CAMK4: variants seen among roughly 807,000 people sequenced by gnomAD.
CAMK4 encodes the protein calcium/calmodulin-dependent protein kinase type IV.
In CAMK4, 22 loss-of-function variants were observed where a neutral mutation model predicts 44.9. The ratio of observed to expected loss-of-function variants is 0.49; its 90% CI spans 0.35 to 0.70. The LOEUF is 0.70. CAMK4 is among the 30% of genes least tolerant of loss of function. The pLI is 0.01. For missense variants in CAMK4, 498 were observed against 586.8 expected (o/e 0.85, Z 1.56); for synonymous variants, 218 against 215.4 (o/e 1.01, Z -0.11).
Position 111,432,662 on chromosome 5 carries a change from G to GTA in CAMK4, c.460-14005_460-14004dup, listed in dbSNP as rs58147378. Reference sequence around the variant, plus strand: ...CATATATATATGTATATATGTGTGTGTATATATATATATATATATACATTT... The same window carrying GTA: ...CATATATATATGTATATATGTGTGTGTATATATATATATATATATATACATTT... On this transcript the variant is annotated intron_variant, in intron 5 of 10. Transcript: ENST00000282356. Among the ~76,000 whole-genome samples the GTA allele has an allele frequency of 5.8e-3, 831 of 142,934 alleles. 7 individuals are homozygous for GTA. The highest frequency in any genetic ancestry group is 0.015 in the African/African-American group (577 of 38,856). 93.8% of individuals were successfully genotyped at this position (142,934 alleles called of 152,430 possible). A position where few individuals can be genotyped will look rare whatever the true frequency, so the allele number is the denominator to read the frequency against.
chr5:111,492,614 T>C lies in CAMK4; in HGVS notation c.*8148T>C, dbSNP rs1424382370. The C allele has an allele frequency of 6.6e-6, 1 of 152,184 alleles. No individual in the cohort carries two copies. The highest frequency in any genetic ancestry group is 6.6e-5 in the Admixed American group (1 of 15,266). The allele number at this position is 152,184 out of a possible 1,614,324, so 9.4% of individuals were successfully genotyped here. A position where few individuals can be genotyped will look rare whatever the true frequency, so the allele number is the denominator to read the frequency against. On this transcript the variant is annotated 3_prime_UTR_variant, in exon 11 of 11. Coordinates refer to ENST00000282356, the MANE Select transcript of CAMK4 (RefSeq NM_001744.6). ...AAACTAAACAACATAGTTTAGGGGA[T>C]ATTAGGCCTACATTCTAATCACATT... is the stretch of plus-strand genomic sequence containing the variant.
chr5:111,329,315 C>G (rs185368517), intron 1 of CAMK4, among the ~76,000 whole-genome samples: 5 of 151,812 alleles, frequency 3.3e-5, no homozygotes. Context: ...TAAAAATGGG[C>G]ACAAGACAGG....
intron 2 of CAMK4, among the ~76,000 whole-genome samples, chr5:111,361,799 C>A (rs1365607643): frequency 2.0e-5 from 3 of 151,930 alleles, no homozygotes; most frequent in African/African-American, 7.2e-5. Context: ...TTTTGATTAA[C>A]CTCAGGCAGG....
intron 5 of CAMK4, among the ~76,000 whole-genome samples, chr5:111,445,891 C>T (rs1754009132): frequency 6.6e-6 from 1 of 152,058 alleles, no homozygotes; most frequent in African/African-American, 2.4e-5. Flanking sequence ...TTCAAACAAA[C>T]TTTTTGGGAA....
At position 111,236,041 on chromosome 5, in the gene CAMK4, C is replaced by T. The variant is rs538169652; in HGVS notation, c.161+11397C>T. Among the ~76,000 whole-genome samples, 15 of 152,340 alleles carry T rather than the reference C, an allele frequency of 9.8e-5. No individual in the cohort carries two copies. The South Asian group carries it at 3.1e-3, about 32-fold the overall frequency. The stretch of plus-strand genomic sequence containing the variant: ...GCCTCTTTGGGCATAAAGCCCCGCA[C>T]CTCACTCAGCTTCATTTGTAAAGTG... On this transcript the variant is annotated intron_variant, in intron 1 of 10. Transcript: ENST00000282356.
At chr5:111,276,840 T>TA (rs1225706261) in intron 1 of CAMK4, among the ~76,000 whole-genome samples, 2 of 152,120 alleles carry the variant, frequency 1.3e-5, no homozygotes, top group African/African-American at 2.4e-5. Flanking sequence ...GAAGAATCCT[T>TA]ACCAAAAATT....
chr5:111,224,504 C>T lies in CAMK4; in HGVS notation c.21C>T (p.Pro7=), dbSNP rs773893938. Residue 7 remains proline (P), a synonymous_variant, in exon 1 of 11, where the codon CCC becomes CCT. Coordinates refer to ENST00000282356, the MANE Select transcript of CAMK4 (RefSeq NM_001744.6). This position sits in a 1 kb window ranked among gnomAD's most constrained non-coding sequence, Gnocchi z 5.7. ...CGAAGATGCTCAAAGTCACGGTGCC[C>T]TCCTGCTCCGCCTCGTCCTGCTCTT... MLKVTV[P]SCSASSCSSV... 4.3e-6 allele frequency: 7 copies of T among 1,609,670 alleles called. No homozygotes were observed. In the African/African-American group the frequency reaches 6.7e-5, roughly 15 times the overall value.
Position 111,486,304 on chromosome 5 carries a change from T to G in CAMK4, c.*1838T>G, listed in dbSNP as rs1428485141. 6.6e-6 allele frequency: 1 copy of G among 152,088 alleles called. No individual in the cohort carries two copies. The highest frequency in any genetic ancestry group is 1.9e-4 in the East Asian group (1 of 5,200). 9.4% of individuals were successfully genotyped at this position (152,088 alleles called of 1,614,324 possible). A position where few individuals can be genotyped will look rare whatever the true frequency, so the allele number is the denominator to read the frequency against. On this transcript the variant is annotated 3_prime_UTR_variant, in exon 11 of 11. Transcript: ENST00000282356. ...ATTATTTTTTGTTTTGTTTTATTTG[T>G]ACTATCTAGTAGAGAGCACTTTTCT...
intron 1 of CAMK4, among the ~76,000 whole-genome samples, chr5:111,313,279 G>A (rs910028035): frequency 6.6e-6 from 1 of 152,144 alleles, no homozygotes; most frequent in Non-Finnish European, 1.5e-5. Context: ...ACCCCATGGA[G>A]CAGCTAAGCT....
At chr5:111,434,215 T>A (rs969769954) in intron 5 of CAMK4, among the ~76,000 whole-genome samples, 1 of 150,132 alleles carries the variant, frequency 6.7e-6, no homozygotes, top group Admixed American at 6.7e-5. Context: ...ATCGCTTGAA[T>A]CTGGGAGGCG....
intron 5 of CAMK4, among the ~76,000 whole-genome samples, chr5:111,395,412 A>G (rs969676293): frequency 6.7e-6 from 1 of 149,088 alleles, no homozygotes; most frequent in Non-Finnish European, 1.5e-5. Flanking sequence ...TTGTTCTTTA[A>G]CTCTTTCTTT....
At chr5:111,362,225 A>G (rs1750620585) in intron 2 of CAMK4, among the ~76,000 whole-genome samples, 1 of 152,058 alleles carries the variant, frequency 6.6e-6, no homozygotes, top group African/African-American at 2.4e-5. Context: ...GGACTTGATT[A>G]AAGACTCTAA....
At chr5:111,312,650 C>T (rs1481525838) in intron 1 of CAMK4, among the ~76,000 whole-genome samples, 1 of 152,084 alleles carries the variant, frequency 6.6e-6, no homozygotes, top group African/African-American at 2.4e-5. Context: ...ATGAATGATA[C>T]TTCAACCACA....
intron 2 of CAMK4, among the ~76,000 whole-genome samples, chr5:111,349,842 A>G (rs938464697): frequency 2.0e-5 from 3 of 151,980 alleles, no homozygotes; most frequent in Non-Finnish European, 4.4e-5. Flanking sequence ...TTGGAAACAG[A>G]TATTTGAACT....
At chr5:111,317,253 C>T (rs1748464660) in intron 1 of CAMK4, among the ~76,000 whole-genome samples, 2 of 152,088 alleles carry the variant, frequency 1.3e-5, no homozygotes, top group Middle Eastern at 3.2e-3. Context: ...TCAAATTTCA[C>T]AGTTACATTA....
chr5:111,342,715 C>G (rs1749695156), intron 1 of CAMK4, among the ~76,000 whole-genome samples: 1 of 151,438 alleles, frequency 6.6e-6, no homozygotes, highest in African/African-American at 2.4e-5. Flanking sequence ...GCAATCCATT[C>G]TTGAATATTT....
At chr5:111,433,111 C>T (rs1427850031) in intron 5 of CAMK4, among the ~76,000 whole-genome samples, 1 of 152,164 alleles carries the variant, frequency 6.6e-6, no homozygotes, top group Non-Finnish European at 1.5e-5. Context: ...TAAAGTGTTC[C>T]AGTCACTGCT....
At chr5:111,247,623 A>G (rs1404540186) in intron 1 of CAMK4, among the ~76,000 whole-genome samples, 1 of 151,962 alleles carries the variant, frequency 6.6e-6, no homozygotes, top group Non-Finnish European at 1.5e-5. Flanking sequence ...CTGGAGCGGG[A>G]ACTAATACTA....
At chr5:111,405,257 C>T (rs959461385) in intron 5 of CAMK4, among the ~76,000 whole-genome samples, 5 of 152,166 alleles carry the variant, frequency 3.3e-5, no homozygotes, top group Non-Finnish European at 7.3e-5. Context: ...ATCACAAGGT[C>T]AAGAAATTGA....
Sources: gnomAD v4.1 joint callset for allele counts (sites outside exome capture counted in the v4.1 genomes callset) on GRCh38, gnomAD v4.1.1 for gene constraint, Gnocchi (gnomAD v3.1) non-coding constraint, MANE v1.5 for transcripts, NCBI Gene and HGNC (gene_info 2026-07-23, HGNC 2026-07-21) for gene names.